The following GRM8 variants were observed in gnomAD, a reference collection of about 807,000 sequenced individuals.
GRM8 encodes metabotropic glutamate receptor 8.
GRM8 carries 47 observed loss-of-function variants against 87.2 expected under a neutral mutation model. The ratio of observed to expected loss-of-function variants is 0.54; its 90% CI spans 0.43 to 0.69. The LOEUF is 0.69. GRM8 is among the 30% of genes least tolerant of loss of function. The pLI is 0.00. For missense variants in GRM8, 1,019 were observed against 1,139.2 expected (o/e 0.89, Z 1.52); for synonymous variants, 396 against 404.5 (o/e 0.98, Z 0.25).
At chr7:127,013,445 G>A (rs567127173) in intron 3 of GRM8, among the ~76,000 whole-genome samples, 15 of 151,386 alleles carry the variant, frequency 9.9e-5, no homozygotes, top group African/African-American at 3.6e-4. Context: ...GGAAAGGAAG[G>A]CAGGTGCCTG....
chr7:126,806,567 T>C (rs1792751684), intron 6 of GRM8, among the ~76,000 whole-genome samples: 2 of 152,246 alleles, frequency 1.3e-5, no homozygotes, highest in South Asian at 4.1e-4. Flanking sequence ...GAGTGCTGAT[T>C]GGTGCATTTA....
chr7:126,896,768 A>G (rs1329998639), intron 6 of GRM8, among the ~76,000 whole-genome samples: 3 of 152,162 alleles, frequency 2.0e-5, no homozygotes, highest in Non-Finnish European at 4.4e-5. Context: ...ATAAGAATCA[A>G]TAGGCCATTT....
At chr7:126,439,784 G>A (rs906300750) in intron 10 of GRM8, among the ~76,000 whole-genome samples, 11 of 149,212 alleles carry the variant, frequency 7.4e-5, no homozygotes, top group Non-Finnish European at 1.3e-4. Flanking sequence ...TATGGAGATG[G>A]AAGTGATATT....
chr7:126,767,434 T>C (rs1344197466), intron 7 of GRM8, among the ~76,000 whole-genome samples: 1 of 152,140 alleles, frequency 6.6e-6, no homozygotes, highest in Non-Finnish European at 1.5e-5. Context: ...CAAAGTCGCA[T>C]ATGACACCTT....
At chr7:126,908,438 T>C (rs1225332779) in intron 3 of GRM8, among the ~76,000 whole-genome samples, 1 of 152,184 alleles carries the variant, frequency 6.6e-6, no homozygotes, top group African/African-American at 2.4e-5. Context: ...AGTAACACTC[T>C]ATAGGGAACA....
At chr7:127,148,601 A>G (rs962142823) in intron 2 of GRM8, among the ~76,000 whole-genome samples, 2 of 152,022 alleles carry the variant, frequency 1.3e-5, no homozygotes, top group Admixed American at 6.6e-5. Context: ...TAACAAATTT[A>G]AGAATACTGT....
At chr7:127,140,323 C>CA (rs375481480) in intron 2 of GRM8, among the ~76,000 whole-genome samples, 29 of 152,148 alleles carry the variant, frequency 1.9e-4, no homozygotes, top group African/African-American at 7.0e-4. Flanking sequence ...TTGTGACAAC[C>CA]AAAAAATGTC....
intron 2 of GRM8, among the ~76,000 whole-genome samples, chr7:127,242,109 C>A (rs1374140038): frequency 6.6e-6 from 1 of 152,056 alleles, no homozygotes; most frequent in African/African-American, 2.4e-5. Flanking sequence ...TATAATTATT[C>A]CAAGTCTGTA....
At chr7:126,691,488 C>G (rs1187580377) in intron 7 of GRM8, among the ~76,000 whole-genome samples, 1 of 152,088 alleles carries the variant, frequency 6.6e-6, no homozygotes, top group African/African-American at 2.4e-5. Context: ...GGTTCCTGCC[C>G]CTCCAACTTG....
intron 9 of GRM8, among the ~76,000 whole-genome samples, chr7:126,483,471 C>CCCTT (rs566905063): frequency 6.7e-4 from 79 of 117,392 alleles, no homozygotes; most frequent in African/African-American, 2.3e-3. Context: ...CTCCCTCCCT[C>CCCTT]CCTTCCTTCC....
chr7:126,801,687 G>A (rs1271943319), intron 6 of GRM8, among the ~76,000 whole-genome samples: 1 of 152,028 alleles, frequency 6.6e-6, no homozygotes, highest in East Asian at 1.9e-4. Context: ...CAATGCAGAG[G>A]GGAGGGAGAG....
rs1157127087 is a variant in GRM8, at chr7:126,685,566, T to C, written c.1358-76068A>G. On this transcript the variant is annotated intron_variant, in intron 7 of 10. Coordinates refer to ENST00000339582, the MANE Select transcript of GRM8 (RefSeq NM_000845.3). This position sits in a 1 kb window ranked among gnomAD's most constrained non-coding sequence, Gnocchi z 4.2. ...TTCTCCCCACTGTCAGTGTATGCTC[T>C]GATCTTGGAGTAAGGTTGGGGCCAA... Among the ~76,000 whole-genome samples, 2 of 152,120 alleles carry C rather than the reference T, an allele frequency of 1.3e-5. No homozygotes were observed. The highest frequency in any genetic ancestry group is 3.9e-4 in the East Asian group (2 of 5,144).
At chr7:126,736,573 T>C (rs997952178) in intron 7 of GRM8, among the ~76,000 whole-genome samples, 4 of 152,160 alleles carry the variant, frequency 2.6e-5, no homozygotes, top group African/African-American at 9.6e-5. Context: ...TCCCTCTCCT[T>C]ACATTTAGGC....
At chr7:127,175,535 T>C (rs1794052189) in intron 2 of GRM8, among the ~76,000 whole-genome samples, 1 of 152,150 alleles carries the variant, frequency 6.6e-6, no homozygotes, top group Non-Finnish European at 1.5e-5. Context: ...CTTGTAGGCA[T>C]AGCATATGCA....
chr7:126,761,127 G>A (rs915524963), intron 7 of GRM8, among the ~76,000 whole-genome samples: 1 of 152,042 alleles, frequency 6.6e-6, no homozygotes, highest in African/African-American at 2.4e-5. Flanking sequence ...GAACTCAGGA[G>A]GCGGAGGTTG....
chr7:126,924,078 A>C (rs183662242), intron 3 of GRM8, among the ~76,000 whole-genome samples: 1 of 152,316 alleles, frequency 6.6e-6, no homozygotes, highest in African/African-American at 2.4e-5. Flanking sequence ...GGCCACCTAC[A>C]TCTAGACTCC....
At chr7:126,592,457 GAT>G (rs1300115916) in intron 8 of GRM8, among the ~76,000 whole-genome samples, 34 of 152,088 alleles carry the variant, frequency 2.2e-4, no homozygotes, top group Admixed American at 1.4e-3. Context: ...TCATCTTAGG[GAT>G]ACAAGGATGG....
intron 9 of GRM8, among the ~76,000 whole-genome samples, chr7:126,452,038 A>G (rs569743429): frequency 1.1e-4 from 16 of 151,888 alleles, no homozygotes; most frequent in African/African-American, 3.6e-4. Context: ...CTGTAAACTC[A>G]GCACTTAGAA....
chr7:126,924,613 T>C (rs1377080106), intron 3 of GRM8, among the ~76,000 whole-genome samples: 1 of 152,166 alleles, frequency 6.6e-6, no homozygotes, highest in South Asian at 2.1e-4. Context: ...CCTTCCTTTT[T>C]CCCTCCTTCC....
Sources: gnomAD v4.1 joint callset for allele counts (sites outside exome capture counted in the v4.1 genomes callset) on GRCh38, gnomAD v4.1.1 for gene constraint, Gnocchi (gnomAD v3.1) non-coding constraint, MANE v1.5 for transcripts, NCBI Gene and HGNC (gene_info 2026-07-23, HGNC 2026-07-21) for gene names.